The following P4HB variants were observed in gnomAD, a reference collection of about 807,000 sequenced individuals.
P4HB encodes protein disulfide-isomerase.
Under a neutral mutation model 52.6 loss-of-function variants are expected in P4HB, and 20 were observed. The ratio of observed to expected loss-of-function variants is 0.38; its 90% CI spans 0.27 to 0.55. The LOEUF (loss-of-function observed/expected upper bound fraction) is 0.55. Ranked by LOEUF, P4HB falls within the 20% of genes least tolerant of loss-of-function variation. The pLI, the probability that P4HB is intolerant of heterozygous loss-of-function variation, is 0.74. For missense variants in P4HB, 601 were observed against 669.2 expected (o/e 0.90, Z 1.12); for synonymous variants, 296 against 277.9 (o/e 1.07, Z -0.65).
At chr17:81,849,850 G>A (rs746082575) in intron 4 of P4HB, among the ~76,000 whole-genome samples, 3 of 151,716 alleles carry the variant, frequency 2.0e-5, no homozygotes, top group South Asian at 2.1e-4. Context: ...TTTTTGAGAC[G>A]GAGTTTTGCT....
intron 4 of P4HB, among the ~76,000 whole-genome samples, chr17:81,854,720 T>C (rs1414930615): frequency 3.3e-5 from 5 of 151,658 alleles, no homozygotes; most frequent in Admixed American, 6.6e-5. Context: ...TGCATGCCTG[T>C]AGTCCCAGCT....
Position 81,845,236 on chromosome 17 carries a change from G to A in P4HB, c.1360-6C>T. On this transcript the variant is annotated splice_region_variant and splice_polypyrimidine_tract_variant and intron_variant, in intron 9 of 10. Coordinates refer to ENST00000331483, the MANE Select transcript of P4HB (RefSeq NM_000918.4). ...TCCCCGTTGTAATCAATGACCTGTG[G>A]AAGACAGGGATGAGTGCAGGGGCTG... 1 of 1,606,906 alleles carries A rather than the reference G, an allele frequency of 6.2e-7. No individual in the cohort carries two copies. The highest frequency in any genetic ancestry group is 8.5e-7 in the Non-Finnish European group (1 of 1,173,904).
Position 81,846,981 on chromosome 17 carries a change from T to C in P4HB, c.821A>G (p.Asn274Ser). 1 of 1,614,070 alleles carries C rather than the reference T, an allele frequency of 6.2e-7. No individual in the cohort carries two copies. The highest frequency in any genetic ancestry group is 8.5e-7 in the Non-Finnish European group (1 of 1,180,030). Residue 274 changes from asparagine (N) to serine (S), a missense_variant, in exon 6 of 11, where the codon AAC becomes AGC. Asn to Ser is a conservative substitution (Grantham distance 46). Transcript: ENST00000331483. The surrounding 1 kb of genome is among the most constrained non-coding windows in gnomAD (Gnocchi z 5.7). ...GAAGCTCTCGGCTGCTGTTTTGAAG[T>C]TGCTCAGTTTGCCGTCATAGTCAGA... ...SVSDYDGKLS[N>S]FKTAAESFKG...
Position 81,845,958 on chromosome 17 carries a change from A to G in P4HB, c.1090T>C (p.Trp364Arg). ...HLMSQELPED[W>R]DKQPVKVLVG... ...AGCACCTTGACAGGCTGCTTGTCCC[A>G]GTCCTCCGGCAGCTCCTGGCTCATC... Residue 364 changes from tryptophan (W) to arginine (R), a missense_variant, in exon 8 of 11, where the codon TGG (tryptophan) becomes CGG (arginine). Physicochemically the swap from Trp to Arg is moderately radical, Grantham distance 101. Transcript: ENST00000331483. 8 of 1,612,668 alleles carry G rather than the reference A, an allele frequency of 5.0e-6. No homozygotes were observed. The highest frequency in any genetic ancestry group is 6.8e-6 in the Non-Finnish European group (8 of 1,179,340).
Position 81,846,426 on chromosome 17 carries a change from C to T in P4HB, c.1056+3G>A. On this transcript the variant is annotated splice_donor_region_variant and intron_variant, in intron 7 of 10. Coordinates refer to ENST00000331483, the MANE Select transcript of P4HB (RefSeq NM_000918.4). The surrounding 1 kb of genome is among the most constrained non-coding windows in gnomAD (Gnocchi z 5.7). ...CAGCCCTGGCCCGGGGACGCGCCTG[C>T]ACCTTGATTTTGCCCTCCAGGAAGC... 1.2e-6 allele frequency: 2 copies of T among 1,613,198 alleles called. No homozygotes were observed. The highest frequency in any genetic ancestry group is 1.7e-6 in the Non-Finnish European group (2 of 1,179,980).
intron 8 of P4HB, 33 bp from the exon 9 acceptor site, chr17:81,845,775 GAC>G: frequency 1.9e-6 from 3 of 1,612,748 alleles, no homozygotes; most frequent in African/African-American, 1.3e-5. Context: ...GTGTGTCCTG[GAC>G]ACAAAGCCAC....
rs1567840820 is a variant in P4HB, at chr17:81,855,423, GAA to G, written c.486+28_486+29del. The stretch of plus-strand genomic sequence containing the variant: ...ACCCCTCCTCAATGGATGACGGAAG[GAA>G]GGAAGACTGGAATGCTCTGGTCTCT... On this transcript the variant is annotated intron_variant, in intron 3 of 10. Coordinates refer to ENST00000331483, the MANE Select transcript of P4HB (RefSeq NM_000918.4). This position sits in a 1 kb window ranked among gnomAD's most constrained non-coding sequence, Gnocchi z 4.3. 1 of 1,600,734 alleles carries G rather than the reference GAA, an allele frequency of 6.2e-7. No homozygotes were observed.
At chr17:81,859,117 C>A (rs1598272815) in intron 2 of P4HB, 64 bp downstream of exon 2, 1 of 1,467,040 alleles carries the variant, frequency 6.8e-7, no homozygotes, top group East Asian at 2.3e-5. Context: ...GCTGCCCCTG[C>A]CCTTCCAAGT....
chr17:81,857,617 C>T lies in P4HB; in HGVS notation c.352+1564G>A, dbSNP rs185939475. The stretch of plus-strand genomic sequence containing the variant: ...GCTGACGCCCCGCCCACCTGACTCC[C>T]GCGCCTCCTAACTTATCCCAGGCGT... On this transcript the variant is annotated intron_variant, in intron 2 of 10. Coordinates refer to ENST00000331483, the MANE Select transcript of P4HB (RefSeq NM_000918.4). 8.5e-5 allele frequency among the ~76,000 whole-genome samples: 13 copies of T among 152,336 alleles called. No individual in the cohort carries two copies. The East Asian group carries it at 2.1e-3, about 25-fold the overall frequency.
At position 81,843,701 on chromosome 17, in the gene P4HB, G is replaced by A. The variant is rs2038687443; in HGVS notation, c.*311C>T. The A allele has an allele frequency of 9.3e-6, 4 of 430,960 alleles. No homozygotes were observed. The highest frequency in any genetic ancestry group is 1.6e-5 in the Non-Finnish European group (4 of 244,142). 26.7% of individuals were successfully genotyped at this position (430,960 alleles called of 1,614,324 possible). ...AGAAACCTCCCGCGGGAGGGAGGCA[G>A]CGAGACTCCGAACACGGTAGCAAGC... is the stretch of plus-strand genomic sequence containing the variant. On this transcript the variant is annotated 3_prime_UTR_variant, in exon 11 of 11. Transcript: ENST00000331483.
intron 2 of P4HB, among the ~76,000 whole-genome samples, chr17:81,856,333 A>AATTT (rs2038911413): frequency 7.1e-6 from 1 of 139,876 alleles, no homozygotes; most frequent in East Asian, 2.1e-4. Context: ...CACCCAACTA[A>AATTT]CTTTTTTTTT....
intron 8 of P4HB, 53 bp downstream of exon 8, chr17:81,845,818 C>T (rs2143316037): frequency 6.2e-7 from 1 of 1,613,870 alleles, no homozygotes; most frequent in Non-Finnish European, 8.5e-7. Context: ...GTCTGCCTAC[C>T]TTGCGCGTGC....
Position 81,855,077 on chromosome 17 carries a change from G to A in P4HB, c.624+65C>T, listed in dbSNP as rs1430166276. The stretch of plus-strand genomic sequence containing the variant: ...CAAGGTTCCCTTAACGATAAGGAGA[G>A]CAACGCCACCCTCTGCAGACCAACC... On this transcript the variant is annotated intron_variant, in intron 4 of 10. Transcript: ENST00000331483. This position sits in a 1 kb window ranked among gnomAD's most constrained non-coding sequence, Gnocchi z 4.3. 1 of 1,525,338 alleles carries A rather than the reference G, an allele frequency of 6.6e-7. No homozygotes were observed. Among genetic ancestry groups the A allele is most frequent in the Non-Finnish European group, 9.1e-7 (1 of 1,102,110 alleles). The allele number at this position is 1,525,338 out of a possible 1,614,324, so 94.5% of individuals were successfully genotyped here. A position where few individuals can be genotyped will look rare whatever the true frequency, so the allele number is the denominator to read the frequency against.
chr17:81,854,543 CA>C lies in P4HB; in HGVS notation c.624+598del, dbSNP rs201912042. ...GGCGGCAGAGTGAGAAACCCTATCT[CA>C]AAAAAAAAAAAGGCAAACGGGGCCA... On this transcript the variant is annotated intron_variant, in intron 4 of 10. Transcript: ENST00000331483. Among the ~76,000 whole-genome samples the C allele has an allele frequency of 6.5e-3, 771 of 118,740 alleles. 2 individuals are homozygous for C. Among genetic ancestry groups the C allele is most frequent in the Admixed American group, 7.2e-3 (81 of 11,316 alleles). 77.9% of individuals were successfully genotyped at this position (118,740 alleles called of 152,430 possible). A position where few individuals can be genotyped will look rare whatever the true frequency, so the allele number is the denominator to read the frequency against.
At chr17:81,852,858 C>T (rs1328976049) in intron 4 of P4HB, among the ~76,000 whole-genome samples, 1 of 152,256 alleles carries the variant, frequency 6.6e-6, no homozygotes, top group Non-Finnish European at 1.5e-5. Flanking sequence ...GGCTGTGTGA[C>T]AACACAGGGT....
At chr17:81,851,166 G>A (rs1011276214) in intron 4 of P4HB, among the ~76,000 whole-genome samples, 4 of 152,098 alleles carry the variant, frequency 2.6e-5, no homozygotes, top group East Asian at 1.9e-4. Context: ...TCCTGACCTC[G>A]TGACCCGCCC....
chr17:81,845,296 C>T, intron 9 of P4HB, 66 bp from the exon 10 acceptor site: 1 of 1,337,168 alleles, frequency 7.5e-7, no homozygotes, highest in South Asian at 1.2e-5. Context: ...GGCATTGGCT[C>T]CTCCTCCCTA....
At chr17:81,858,620 T>C (rs1598272531) in intron 2 of P4HB, among the ~76,000 whole-genome samples, 1 of 152,290 alleles carries the variant, frequency 6.6e-6, no homozygotes, top group Admixed American at 6.5e-5. Flanking sequence ...GACGAGCAGC[T>C]GAGGGCCCGT....
chr17:81,853,276 G>A (rs1181840846), intron 4 of P4HB, among the ~76,000 whole-genome samples: 1 of 152,098 alleles, frequency 6.6e-6, no homozygotes, highest in Non-Finnish European at 1.5e-5. Flanking sequence ...GATGCTCCGT[G>A]CTTACTACAG....
Sources: allele counts gnomAD v4.1 joint callset (sites outside exome capture counted in the v4.1 genomes callset), GRCh38; gene constraint gnomAD v4.1.1; non-coding constraint Gnocchi (gnomAD v3.1); transcripts MANE v1.5; gene names NCBI Gene and HGNC (gene_info 2026-07-23, HGNC 2026-07-21).